UNC13B: variants seen among roughly 807,000 people sequenced by gnomAD.
The protein encoded by UNC13B is unc-13 homolog B.
UNC13B carries 144 observed loss-of-function variants against 211.0 expected under a neutral mutation model. That is an observed-to-expected ratio of 0.68 (90% CI 0.60 to 0.78). The LOEUF is 0.78. Among genes scored for constraint, UNC13B ranks in the 30% least tolerant of loss-of-function variants. The pLI is 0.00. For synonymous variants in UNC13B, 709 were observed against 725.8 expected, an observed-to-expected ratio of 0.98 and a Z score of 0.37; for missense variants, 1,777 against 2,002.0, an observed-to-expected ratio of 0.89 and a Z score of 2.14.
chr9:35,247,931 A>G (rs1826202349), intron 6 of UNC13B, among the ~76,000 whole-genome samples: 2 of 152,176 alleles, frequency 1.3e-5, no homozygotes, highest in African/African-American at 4.8e-5. Flanking sequence ...AAGGAATGGT[A>G]CCAGCTCCTC....
intron 11 of UNC13B, among the ~76,000 whole-genome samples, chr9:35,337,999 A>G (rs1831761852): frequency 1.3e-5 from 2 of 152,058 alleles, no homozygotes; most frequent in Admixed American, 6.5e-5. Flanking sequence ...GGGTATAGAG[A>G]TTGAGGCAGG....
intron 11 of UNC13B, chr9:35,352,286 A>G: frequency 1.6e-6 from 2 of 1,232,184 alleles, no homozygotes; most frequent in Non-Finnish European, 2.0e-6. Flanking sequence ...CATGCAGTGC[A>G]ACAGGTACAT....
chr9:35,252,990 T>C (rs1217419693), intron 6 of UNC13B, among the ~76,000 whole-genome samples: 1 of 152,202 alleles, frequency 6.6e-6, no homozygotes, highest in Non-Finnish European at 1.5e-5. Flanking sequence ...ATATAGTCTG[T>C]ATAAGAAAAA....
chr9:35,365,243 C>G (rs1222996066), intron 11 of UNC13B, among the ~76,000 whole-genome samples: 1 of 152,222 alleles, frequency 6.6e-6, no homozygotes, highest in Admixed American at 6.5e-5. Flanking sequence ...TGTGAATCCT[C>G]CTCAGATGAG....
At chr9:35,385,930 A>G in intron 23 of UNC13B, 117 bp downstream of exon 23, 1 of 1,434,780 alleles carries the variant, frequency 7.0e-7, no homozygotes, top group Non-Finnish European at 9.4e-7. Context: ...CTCTAAGCTT[A>G]CATTTCTGTG....
chr9:35,300,427 T>C lies in UNC13B; in HGVS notation c.1023T>C (p.Asp341=). ...AGCGCATTAAGTTGGAAAGTCATGA[T>C]TATGATCTGTCCAGTTGTTTAAGGC... ...GMQRIKLESH[D]YDLSSCLRHC... is the part of the protein sequence containing the mutation. Residue 341 remains aspartate (D), a synonymous_variant, in exon 9 of 40, where the codon GAT becomes GAC. Coordinates refer to ENST00000635942, the MANE Select transcript of UNC13B (RefSeq NM_001371189.2). The C allele has an allele frequency of 5.0e-6, 2 of 399,012 alleles. No homozygotes were observed. The highest frequency in any genetic ancestry group is 8.8e-6 in the Non-Finnish European group (2 of 226,036). The allele number at this position is 399,012 out of a possible 1,614,324, so 24.7% of individuals were successfully genotyped here.
chr9:35,247,624 G>A (rs1276990744), intron 6 of UNC13B, among the ~76,000 whole-genome samples: 1 of 152,158 alleles, frequency 6.6e-6, no homozygotes, highest in African/African-American at 2.4e-5. Flanking sequence ...TGTGGTTTTT[G>A]TCTTTGGTTC....
At chr9:35,206,784 G>A (rs1023283880) in intron 1 of UNC13B, among the ~76,000 whole-genome samples, 1 of 151,074 alleles carries the variant, frequency 6.6e-6, no homozygotes, top group Non-Finnish European at 1.5e-5. Flanking sequence ...TGAAGCAGGG[G>A]AATCACTTGA....
chr9:35,307,378 T>G lies in UNC13B; in HGVS notation c.7974T>G (p.Asp2658Glu). ...CGCTGCCAGCACAGTTGCATCCAGATCCTACCTGCATTGCCGAAGAGCTTC... is the reference window on the plus strand; with the variant it reads ...CGCTGCCAGCACAGTTGCATCCAGAGCCTACCTGCATTGCCGAAGAGCTTC... ...NFALPAQLHP[D>E]PTCIAEELPP... Residue 2658 changes from aspartate to glutamate, a missense_variant, in exon 9 of 40, where the codon GAT (aspartate) becomes GAG (glutamate). Asp to Glu is a conservative substitution (Grantham distance 45, BLOSUM62 2). Coordinates refer to ENST00000635942, the MANE Select transcript of UNC13B (RefSeq NM_001371189.2). 1 of 399,012 alleles carries G rather than the reference T, an allele frequency of 2.5e-6. No individual in the cohort carries two copies. Among genetic ancestry groups the G allele is most frequent in the Non-Finnish European group, 4.4e-6 (1 of 226,098 alleles). 24.7% of individuals were successfully genotyped at this position (399,012 alleles called of 1,614,324 possible). A position where few individuals can be genotyped will look rare whatever the true frequency, so the allele number is the denominator to read the frequency against.
Position 35,162,214 on chromosome 9 carries a change from C to G in UNC13B, c.-70C>G. Reference sequence around the variant, plus strand: ...GCCGGTAACGAGAGCAGTCGCGGCACCTGCTGAGAGGAAAGAGGGAGCGGT... The same window carrying G: ...GCCGGTAACGAGAGCAGTCGCGGCAGCTGCTGAGAGGAAAGAGGGAGCGGT... On this transcript the variant is annotated 5_prime_UTR_variant, in exon 1 of 40. Coordinates refer to ENST00000635942, the MANE Select transcript of UNC13B (RefSeq NM_001371189.2). 6.5e-7 allele frequency: 1 copy of G among 1,540,350 alleles called. No individual in the cohort carries two copies. Among genetic ancestry groups the G allele is most frequent in the Non-Finnish European group, 8.7e-7 (1 of 1,145,764 alleles).
chr9:35,336,480 A>C (rs538283982), intron 11 of UNC13B, among the ~76,000 whole-genome samples: 82 of 152,182 alleles, frequency 5.4e-4, no homozygotes, highest in African/African-American at 2.0e-3. Flanking sequence ...ATAGGTGTTC[A>C]TTTATTTTTT....
intron 2 of UNC13B, 100 bp from the exon 3 acceptor site, chr9:35,231,020 T>A: frequency 9.4e-6 from 7 of 745,276 alleles, no homozygotes; most frequent in Non-Finnish European, 1.5e-5. Flanking sequence ...CCTGCACATG[T>A]AATACTTTAA....
At chr9:35,266,959 G>A (rs564223492) in intron 7 of UNC13B, among the ~76,000 whole-genome samples, 2 of 152,344 alleles carry the variant, frequency 1.3e-5, no homozygotes, top group East Asian at 3.9e-4. Context: ...AGTATGCAAA[G>A]TGTTCTGGAC....
chr9:35,294,088 T>C (rs1829229983), intron 7 of UNC13B, among the ~76,000 whole-genome samples: 2 of 151,196 alleles, frequency 1.3e-5, no homozygotes, highest in South Asian at 4.1e-4. Flanking sequence ...GGAATTCTTA[T>C]CTACCAACTT....
intron 7 of UNC13B, among the ~76,000 whole-genome samples, chr9:35,287,959 C>T (rs977983831): frequency 2.6e-5 from 4 of 151,988 alleles, no homozygotes; most frequent in Admixed American, 6.6e-5. Context: ...ATTTTTTTCT[C>T]GGTGAATGAT....
intron 11 of UNC13B, chr9:35,351,507 C>T: frequency 8.1e-7 from 1 of 1,232,230 alleles, no homozygotes. Flanking sequence ...CAGAGAACCC[C>T]TCAAACCCTG....
chr9:35,368,127 G>A (rs528784573), intron 12 of UNC13B, among the ~76,000 whole-genome samples: 24 of 152,188 alleles, frequency 1.6e-4, no homozygotes, highest in African/African-American at 5.1e-4. Context: ...AGTTAAACTC[G>A]TGTCACAGGG....
chr9:35,237,246 A>G (rs1825563927), intron 4 of UNC13B, among the ~76,000 whole-genome samples: 1 of 152,112 alleles, frequency 6.6e-6, no homozygotes, highest in Non-Finnish European at 1.5e-5. Context: ...GGGAAGTTGA[A>G]ATTGCCTGTA....
At position 35,390,858 on chromosome 9, in the gene UNC13B, A is replaced by G. The variant is rs571593348; in HGVS notation, c.11308+144A>G. On this transcript the variant is annotated intron_variant, in intron 26 of 39. Coordinates refer to ENST00000635942, the MANE Select transcript of UNC13B (RefSeq NM_001371189.2). Reference sequence around the variant, plus strand: ...AGGAATTCTAGGCCTAGTGGGATGTAGGCCCCGGGAGACCTTGGGTGGGCA... The same window carrying G: ...AGGAATTCTAGGCCTAGTGGGATGTGGGCCCCGGGAGACCTTGGGTGGGCA... 6 of 812,278 alleles carry G rather than the reference A, an allele frequency of 7.4e-6. No individual in the cohort carries two copies. In the South Asian group the frequency reaches 1.0e-4, roughly 14 times the overall value. The allele number at this position is 812,278 out of a possible 1,614,324, so 50.3% of individuals were successfully genotyped here.
Sources: allele counts gnomAD v4.1 joint callset (sites outside exome capture counted in the v4.1 genomes callset), GRCh38; gene constraint gnomAD v4.1.1; transcripts MANE v1.5; gene names NCBI Gene and HGNC (gene_info 2026-07-23, HGNC 2026-07-21).